Variants in ENTHD1 observed in about 807,000 individuals in gnomAD.
The protein encoded by ENTHD1 is ENTH domain containing 1, also known as ENTH domain-containing protein 1.
ENTHD1 carries 23 observed loss-of-function variants against 39.1 expected under a neutral mutation model. The observed-to-expected ratio is 0.59, with a 90% CI of 0.42 to 0.83. The LOEUF is 0.83. Among genes scored for constraint, ENTHD1 ranks in the 40% least tolerant of loss-of-function variants. ENTHD1 has a pLI of 0.00. For missense variants in ENTHD1, 624 were observed against 705.4 expected (o/e 0.88, Z 1.31); for synonymous variants, 230 against 258.2 (o/e 0.89, Z 1.05).
At chr22:39,866,015 C>T (rs2066179206) in intron 2 of ENTHD1, among the ~76,000 whole-genome samples, 1 of 152,194 alleles carries the variant, frequency 6.6e-6, no homozygotes, top group African/African-American at 2.4e-5. Context: ...GAGAAGTCTC[C>T]CTCTTCAAAT....
chr22:39,865,880 C>G (rs746167677), intron 2 of ENTHD1, among the ~76,000 whole-genome samples: 7 of 152,172 alleles, frequency 4.6e-5, no homozygotes, highest in Non-Finnish European at 7.3e-5. Context: ...GGAAAACTAC[C>G]AGGACATCTC....
chr22:39,838,595 T>C (rs1480612082), intron 3 of ENTHD1, among the ~76,000 whole-genome samples: 1 of 152,112 alleles, frequency 6.6e-6, no homozygotes, highest in Non-Finnish European at 1.5e-5. Context: ...CACTCCTATG[T>C]GGGCAAACGA....
At chr22:39,882,958 AG>A in intron 2 of ENTHD1, among the ~76,000 whole-genome samples, 1 of 147,058 alleles carries the variant, frequency 6.8e-6, no homozygotes, top group South Asian at 2.2e-4. Flanking sequence ...GAGCCTAGAT[AG>A]CGCCACTGCA....
chr22:39,844,711 T>G (rs2065973102), intron 3 of ENTHD1, among the ~76,000 whole-genome samples: 1 of 152,002 alleles, frequency 6.6e-6, no homozygotes, highest in African/African-American at 2.4e-5. Context: ...ACTGGTAAGA[T>G]GACAAAAATC....
At chr22:39,811,927 C>T (rs1167387480) in intron 5 of ENTHD1, among the ~76,000 whole-genome samples, 3 of 151,620 alleles carry the variant, frequency 2.0e-5, no homozygotes, top group Admixed American at 1.3e-4. Flanking sequence ...TGCAGTGAGC[C>T]GAGATCAAGT....
At chr22:39,831,511 C>T (rs1423805515) in intron 4 of ENTHD1, among the ~76,000 whole-genome samples, 1 of 151,992 alleles carries the variant, frequency 6.6e-6, no homozygotes, top group Non-Finnish European at 1.5e-5. Flanking sequence ...AAATTCACTC[C>T]TGAAAAAGTC....
rs76212904 is a variant in ENTHD1, at chr22:39,846,063, C to A, written c.593-10105G>T. Among the ~76,000 whole-genome samples, 126 of 152,202 alleles carry A rather than the reference C, an allele frequency of 8.3e-4. 2 individuals are homozygous for A. The East Asian group carries it at 0.022, about 26-fold the overall frequency. On this transcript the variant is annotated intron_variant, in intron 3 of 6. Transcript: ENST00000325157. ...GATCAACAAAGGTACCAAGAATACA[C>A]AATGGGAAAGGACAGTTTCTTTGAT... is the stretch of plus-strand genomic sequence containing the variant.
In ENTHD1 at chr22:39,744,959, A is replaced by C. The variant is rs576706469; in HGVS notation, c.1220-676T>G. Reference sequence around the variant, plus strand: ...TTTTTACTTCCTTTCTGGCAAAATCATATTAAATCTCCCACACTTTATTCT... The same window carrying C: ...TTTTTACTTCCTTTCTGGCAAAATCCTATTAAATCTCCCACACTTTATTCT... On this transcript the variant is annotated intron_variant, in intron 6 of 6. Coordinates refer to ENST00000325157, the MANE Select transcript of ENTHD1 (RefSeq NM_152512.4). Among the ~76,000 whole-genome samples the C allele has an allele frequency of 5.3e-5, 8 of 152,274 alleles. No individual in the cohort carries two copies. In the East Asian group the frequency reaches 1.5e-3, roughly 29 times the overall value.
chr22:39,766,721 T>G (rs1187928919), intron 5 of ENTHD1, among the ~76,000 whole-genome samples: 4 of 152,164 alleles, frequency 2.6e-5, no homozygotes, highest in Non-Finnish European at 5.9e-5. Flanking sequence ...GGGCTCTGAG[T>G]TATTAAAGAA....
At chr22:39,794,356 G>C (rs146421566) in intron 5 of ENTHD1, among the ~76,000 whole-genome samples, 71 of 152,178 alleles carry the variant, frequency 4.7e-4, no homozygotes, top group African/African-American at 1.7e-3. Flanking sequence ...AGTTTTTTTG[G>C]TAGAGTCTTT....
intron 4 of ENTHD1, among the ~76,000 whole-genome samples, chr22:39,828,428 A>G (rs1037401387): frequency 2.0e-5 from 3 of 152,248 alleles, no homozygotes; most frequent in Non-Finnish European, 1.5e-5. Flanking sequence ...TAGAATTTCC[A>G]TTTCTCTAAC....
intron 3 of ENTHD1, among the ~76,000 whole-genome samples, chr22:39,855,600 AAAAG>A (rs909567324): frequency 3.4e-4 from 51 of 152,020 alleles, no homozygotes; most frequent in African/African-American, 1.2e-3. Flanking sequence ...AAAAAAAAAA[AAAAG>A]AAGAAAGAAA....
At chr22:39,801,942 G>A (rs981462017) in intron 5 of ENTHD1, among the ~76,000 whole-genome samples, 5 of 151,990 alleles carry the variant, frequency 3.3e-5, no homozygotes, top group Non-Finnish European at 1.5e-5. Flanking sequence ...TAAAGAAATA[G>A]GGAAAACAAT....
In ENTHD1 at chr22:39,887,411, C is replaced by G. The variant is rs1202147639; in HGVS notation, c.338G>C (p.Gly113Ala). The G allele has an allele frequency of 1.9e-6, 3 of 1,606,846 alleles. No individual in the cohort carries two copies. Among genetic ancestry groups the G allele is most frequent in the Non-Finnish European group, 2.5e-6 (3 of 1,176,634 alleles). ...LKDFQHIDEA[G>A]KDQGYYIREK... ...TCTTTAACCATTACCTTGGTCTTTT[C>G]CAGCTTCATCTATGTGCTGAAAATC... The change falls in exon 2 of 7, where the codon GGA becomes GCA. Residue 113 changes from glycine to alanine, a missense_variant. Physicochemically the swap from Gly to Ala is moderately conservative, Grantham distance 60. Transcript: ENST00000325157.
At position 39,867,829 on chromosome 22, in the gene ENTHD1, A is replaced by C. The variant is rs538105998; in HGVS notation, c.350-5822T>G. Among the ~76,000 whole-genome samples the C allele has an allele frequency of 6.6e-6, 1 of 152,282 alleles. No individual in the cohort carries two copies. The highest frequency in any genetic ancestry group is 1.5e-5 in the Non-Finnish European group (1 of 68,014). ...TCCCTCCAGTCAAGTTGACACAGTA[A>C]GTTCATGCTTCAAAGTATCCCCCTG... On this transcript the variant is annotated intron_variant, in intron 2 of 6. Transcript: ENST00000325157. This position sits in a 1 kb window ranked among gnomAD's most constrained non-coding sequence, Gnocchi z 4.5.
At chr22:39,818,545 C>T (rs954019770) in intron 5 of ENTHD1, among the ~76,000 whole-genome samples, 2 of 152,108 alleles carry the variant, frequency 1.3e-5, no homozygotes, top group Admixed American at 6.5e-5. Flanking sequence ...GGTGATGAAG[C>T]CCATAGTCTG....
At chr22:39,847,101 C>T (rs1286358358) in intron 3 of ENTHD1, among the ~76,000 whole-genome samples, 2 of 151,978 alleles carry the variant, frequency 1.3e-5, no homozygotes, top group Admixed American at 6.5e-5. Context: ...TTCACAATAG[C>T]AAAGACTTGG....
chr22:39,875,828 A>C, intron 2 of ENTHD1: 1 of 1,613,882 alleles, frequency 6.2e-7, no homozygotes, highest in Non-Finnish European at 8.5e-7. Context: ...ACGTCATAGA[A>C]CCCAGAAGGA....
chr22:39,789,345 TC>T (rs1379877975), intron 5 of ENTHD1, among the ~76,000 whole-genome samples: 5 of 152,174 alleles, frequency 3.3e-5, no homozygotes, highest in African/African-American at 1.2e-4. Context: ...AAAAAATTTC[TC>T]AATTGAATTT....
Sources: gnomAD v4.1 joint callset for allele counts (sites outside exome capture counted in the v4.1 genomes callset) on GRCh38, gnomAD v4.1.1 for gene constraint, Gnocchi (gnomAD v3.1) non-coding constraint, MANE v1.5 for transcripts, NCBI Gene and HGNC (gene_info 2026-07-23, HGNC 2026-07-21) for gene names.